The following VPS37D variants were observed in gnomAD, a reference collection of about 807,000 sequenced individuals.
VPS37D encodes the protein VPS37D subunit of ESCRT-I.
Under a neutral mutation model 22.0 loss-of-function variants are expected in VPS37D, and 5 were observed. The ratio of observed to expected loss-of-function variants is 0.23; its 90% CI spans 0.12 to 0.48. VPS37D has a LOEUF of 0.48. Among genes scored for constraint, VPS37D ranks in the 20% least tolerant of loss-of-function variants. VPS37D has a pLI of 0.99. For missense variants in VPS37D, 384 were observed against 345.8 expected (o/e 1.11, Z -0.88); for synonymous variants, 174 against 159.3 (o/e 1.09, Z -0.69).
At position 73,669,407 on chromosome 7, in the gene VPS37D, C is replaced by T. The variant is rs1432019736; in HGVS notation, c.139-12C>T. 1 of 1,539,856 alleles carries T rather than the reference C, an allele frequency of 6.5e-7. No homozygotes were observed. Among genetic ancestry groups the T allele is most frequent in the African/African-American group, 1.4e-5 (1 of 72,902 alleles). On this transcript the variant is annotated splice_polypyrimidine_tract_variant and intron_variant, in intron 1 of 3. Coordinates refer to ENST00000324941, the MANE Select transcript of VPS37D (RefSeq NM_001077621.2). ...CCCCTGAGCGGGCCTCTTAGCTCCTCTCTGCCCGCAGTTCCAGGGCCTGCA... is the reference window on the plus strand; with the variant it reads ...CCCCTGAGCGGGCCTCTTAGCTCCTTTCTGCCCGCAGTTCCAGGGCCTGCA...
At chr7:73,667,504 C>T (rs1797401037), upstream of VPS37D, among the ~76,000 whole-genome samples, 1 of 151,958 alleles carries the variant, frequency 6.6e-6, no homozygotes, top group South Asian at 2.1e-4. Context: ...GGCTGCAAGG[C>T]AGGAGCCCTC....
At chr7:73,669,844 G>C (rs1187606393) in intron 2 of VPS37D, among the ~76,000 whole-genome samples, 176 bp from the exon 3 acceptor site, 6 of 152,324 alleles carry the variant, frequency 3.9e-5, no homozygotes, top group Non-Finnish European at 7.4e-5. Flanking sequence ...CTAGGACGAG[G>C]AGCAGAAACT....
chr7:73,669,317 TG>T (rs1797450826), intron 1 of VPS37D, 101 bp from the exon 2 acceptor site: 1 of 1,404,994 alleles, frequency 7.1e-7, no homozygotes, highest in East Asian at 2.5e-5. Context: ...CAGGTGCCTT[TG>T]GCCTGGCCCT....
chr7:73,668,091 A>G lies in VPS37D; in HGVS notation c.133A>G (p.Arg45Gly). Residue 45 changes from arginine to glycine, a missense_variant, in exon 1 of 4, where the codon AGG becomes GGG. Physicochemically the swap from Arg to Gly is moderately radical, Grantham distance 125. Coordinates refer to ENST00000324941, the MANE Select transcript of VPS37D (RefSeq NM_001077621.2). ...GCTGGACCGGATCGTGCGGCTCAGC[A>G]GGAAGGTAGCGCGGGGGGCTCGAGC... ...PKLDRIVRLS[R>G]KFQGLQLERE... 1 of 1,102,094 alleles carries G rather than the reference A, an allele frequency of 9.1e-7. No individual in the cohort carries two copies. The highest frequency in any genetic ancestry group is 1.1e-6 in the Non-Finnish European group (1 of 896,676). 68.3% of individuals were successfully genotyped at this position (1,102,094 alleles called of 1,614,324 possible).
chr7:73,669,914 G>A (rs946800322), intron 2 of VPS37D, 106 bp from the exon 3 acceptor site: 136 of 1,522,388 alleles, frequency 8.9e-5, no homozygotes, highest in Middle Eastern at 5.1e-4. Context: ...GGAAACTGAG[G>A]CTCTAGACCA....
chr7:73,667,513 TCGGCGC>T (rs1797401607), upstream of VPS37D, among the ~76,000 whole-genome samples: 1 of 151,846 alleles, frequency 6.6e-6, no homozygotes, highest in Non-Finnish European at 1.5e-5. Flanking sequence ...GCAGGAGCCC[TCGGCGC>T]CCGGCCAAAG....
chr7:73,669,878 C>T (rs1212355715), intron 2 of VPS37D, 142 bp from the exon 3 acceptor site: 26 of 1,404,736 alleles, frequency 1.9e-5, no homozygotes, highest in African/African-American at 2.9e-5. Context: ...ATCCACAAAG[C>T]GGTCACATGG....
rs1176277443 is a variant in VPS37D, at chr7:73,668,049, C to T, written c.91C>T (p.Leu31Phe). ...CAGCACCGGGCAGCTCCGGGACCTG[C>T]TTCAGGATGAGCCCAAGCTGGACCG... ...ILSTGQLRDL[L>F]QDEPKLDRIV... Residue 31 changes from leucine to phenylalanine, a missense_variant, in exon 1 of 4, where the codon CTT becomes TTT. Transcript: ENST00000324941. 1.7e-6 allele frequency: 2 copies of T among 1,170,332 alleles called. No homozygotes were observed. The highest frequency in any genetic ancestry group is 1.1e-6 in the Non-Finnish European group (1 of 936,922). The allele number at this position is 1,170,332 out of a possible 1,614,324, so 72.5% of individuals were successfully genotyped here. A position where few individuals can be genotyped will look rare whatever the true frequency, so the allele number is the denominator to read the frequency against.
rs1417834350 is a variant in VPS37D at position 73,671,368 on chromosome 7, C to A, written c.748C>A (p.His250Asn). ...SPRPSQPEPP[H>N]R ...TCGGCCCTCGCAGCCAGAGCCCCCC[C>A]ACCGGTAGGATCCACGGTGCGGCCC... The change falls in exon 4 of 4, where the codon CAC (histidine) becomes AAC (asparagine). Residue 250 changes from histidine to asparagine, a missense_variant. Physicochemically the swap from His to Asn is moderately conservative, Grantham distance 68. Coordinates refer to ENST00000324941, the MANE Select transcript of VPS37D (RefSeq NM_001077621.2). 1.5e-6 allele frequency: 2 copies of A among 1,375,982 alleles called. No individual in the cohort carries two copies. The highest frequency in any genetic ancestry group is 1.5e-5 in the African/African-American group (1 of 64,964). The allele number at this position is 1,375,982 out of a possible 1,614,324, so 85.2% of individuals were successfully genotyped here.
At chr7:73,666,971 CTCT>C (rs1774540361), upstream of VPS37D, among the ~76,000 whole-genome samples, 1 of 102,010 alleles carries the variant, frequency 9.8e-6, no homozygotes, top group Non-Finnish European at 2.4e-5. Context: ...GTTCTTTTCA[CTCT>C]TTTTTTTTTT....
Position 73,671,150 on chromosome 7 carries a change from GTT to G in VPS37D, c.531_532del (p.Ser178CysfsTer10). On this transcript the variant is annotated frameshift_variant, in exon 4 of 4. Coordinates refer to ENST00000324941, the MANE Select transcript of VPS37D (RefSeq NM_001077621.2). LOFTEE classifies it high-confidence loss of function. Reference sequence around the variant, plus strand: ...CAGGAGCTGCTGCGGCGTCGGGAGCGTTCTGCCCAGCCGGCCCCCACCTCGGC... The same window carrying G: ...CAGGAGCTGCTGCGGCGTCGGGAGCGCTGCCCAGCCGGCCCCCACCTCGGC... 6.2e-7 allele frequency: 1 copy of G among 1,606,362 alleles called. No individual in the cohort carries two copies. Among genetic ancestry groups the G allele is most frequent in the Non-Finnish European group, 8.5e-7 (1 of 1,178,596 alleles).
intron 1 of VPS37D, among the ~76,000 whole-genome samples, chr7:73,668,565 G>C (rs1370773451): frequency 1.3e-5 from 2 of 152,064 alleles, no homozygotes; most frequent in Non-Finnish European, 2.9e-5. Context: ...GGAAGCTGCC[G>C]TGTGTATTGC....
In VPS37D at chr7:73,668,068, T is replaced by G; in HGVS notation, c.110T>G (p.Leu37Arg). Residue 37 changes from leucine (L) to arginine (R), a missense_variant, in exon 1 of 4, where the codon CTG (leucine) becomes CGG (arginine). Coordinates refer to ENST00000324941, the MANE Select transcript of VPS37D (RefSeq NM_001077621.2). ...GACCTGCTTCAGGATGAGCCCAAGCTGGACCGGATCGTGCGGCTCAGCAGG... is the reference window on the plus strand; with the variant it reads ...GACCTGCTTCAGGATGAGCCCAAGCGGGACCGGATCGTGCGGCTCAGCAGG... ...LRDLLQDEPK[L>R]DRIVRLSRKF... The G allele has an allele frequency of 8.8e-7, 1 of 1,137,396 alleles. No individual in the cohort carries two copies. Among genetic ancestry groups the G allele is most frequent in the Non-Finnish European group, 1.1e-6 (1 of 917,690 alleles). The allele number at this position is 1,137,396 out of a possible 1,614,324, so 70.5% of individuals were successfully genotyped here.
At chr7:73,666,157 G>C (rs932312600), upstream of VPS37D, among the ~76,000 whole-genome samples, 1 of 152,158 alleles carries the variant, frequency 6.6e-6, no homozygotes. Flanking sequence ...CAAGGTACAG[G>C]ACATATCGGG....
rs375161374 is a variant in VPS37D, at chr7:73,669,972, G to T, written c.311-48G>T. On this transcript the variant is annotated intron_variant, in intron 2 of 3. Transcript: ENST00000324941. ...ACATGGGGTCAGCGGGAGAGTGCAA[G>T]CCCGGGGCCCTGGCCTGTCTGTCAC... 2.3e-3 allele frequency: 3,578 copies of T among 1,551,190 alleles called. 6 individuals are homozygous for T. Among genetic ancestry groups the T allele is most frequent in the Non-Finnish European group, 2.8e-3 (3,233 of 1,146,898 alleles).
At position 73,671,467 on chromosome 7, in the gene VPS37D, CAGGCCCCTCCCCCTGGCCT is replaced by C; in HGVS notation, c.*92_*110del. 1 of 531,908 alleles carries C rather than the reference CAGGCCCCTCCCCCTGGCCT, an allele frequency of 1.9e-6. No homozygotes were observed. The highest frequency in any genetic ancestry group is 3.0e-6 in the Non-Finnish European group (1 of 331,586). 32.9% of individuals were successfully genotyped at this position (531,908 alleles called of 1,614,324 possible). A position where few individuals can be genotyped will look rare whatever the true frequency, so the allele number is the denominator to read the frequency against. ...CCCACTGCCTGGGTGGGGGGAGGGG[CAGGCCCCTCCCCCTGGCCT>C]CAGGCAGGCCCTGGCCCTGGAGGCT... On this transcript the variant is annotated 3_prime_UTR_variant, in exon 4 of 4. Transcript: ENST00000324941.
chr7:73,668,981 A>G (rs1554609165), intron 1 of VPS37D, among the ~76,000 whole-genome samples: 5 of 151,886 alleles, frequency 3.3e-5, no homozygotes, highest in East Asian at 1.9e-4. Flanking sequence ...TTCGGTGCAA[A>G]CACCTGAGGA....
In VPS37D at chr7:73,670,111, A is replaced by C. The variant is rs1584194769; in HGVS notation, c.393+9A>C. On this transcript the variant is annotated intron_variant, in intron 3 of 3. Transcript: ENST00000324941. The stretch of plus-strand genomic sequence containing the variant: ...CGGAGCAGGAGGCAGAGGTGAGGGG[A>C]GGGGTGGCTGGGGCTGGGGGCCAGG... 1.0e-6 allele frequency: 1 copy of C among 1,003,310 alleles called. No individual in the cohort carries two copies. The highest frequency in any genetic ancestry group is 1.4e-6 in the Non-Finnish European group (1 of 707,084). 62.2% of individuals were successfully genotyped at this position (1,003,310 alleles called of 1,614,324 possible).
intron 1 of VPS37D, among the ~76,000 whole-genome samples, chr7:73,668,560 C>T (rs1554609069): frequency 6.6e-6 from 1 of 151,970 alleles, no homozygotes; most frequent in Non-Finnish European, 1.5e-5. Context: ...GTGCTGGAAG[C>T]TGCCGTGTGT....
Sources: gnomAD v4.1 joint callset for allele counts (sites outside exome capture counted in the v4.1 genomes callset) on GRCh38, gnomAD v4.1.1 for gene constraint, MANE v1.5 for transcripts, NCBI Gene and HGNC (gene_info 2026-07-23, HGNC 2026-07-21) for gene names.